PYGL: variants seen among roughly 807,000 people sequenced by gnomAD.
PYGL encodes glycogen phosphorylase L.
In PYGL, 90 loss-of-function variants were observed where a neutral mutation model predicts 100.1. The observed-to-expected ratio is 0.90, with a 90% CI of 0.76 to 1.07. The LOEUF (loss-of-function observed/expected upper bound fraction) is 1.07. PYGL is among the 50% of genes least tolerant of loss of function. PYGL has a pLI of 0.00. For synonymous variants in PYGL, 373 were observed against 393.0 expected (o/e 0.95, Z 0.60); for missense variants, 1,016 against 1,057.6 (o/e 0.96, Z 0.55).
chr14:50,916,185 T>C (rs2050447261), intron 9 of PYGL, among the ~76,000 whole-genome samples: 1 of 152,374 alleles, frequency 6.6e-6, no homozygotes, highest in Middle Eastern at 3.4e-3. Flanking sequence ...CTGGTGAAAC[T>C]TAAGACAGCA....
intron 2 of PYGL, among the ~76,000 whole-genome samples, chr14:50,936,053 G>C (rs1249927549): frequency 6.6e-6 from 1 of 152,206 alleles, no homozygotes; most frequent in Non-Finnish European, 1.5e-5. Context: ...CCATGACAGA[G>C]CTCTGCAGCC....
Position 50,944,169 on chromosome 14 carries a change from A to C in PYGL, c.235T>G (p.Cys79Gly), listed in dbSNP as rs1374014307. The C allele has an allele frequency of 6.2e-7, 1 of 1,605,776 alleles. No individual in the cohort carries two copies. Among genetic ancestry groups the C allele is most frequent in the South Asian group, 1.1e-5 (1 of 90,924 alleles). Reference protein sequence around the residue: ...IRTQQHYYDKCPKRVYYLSLE... With the variant: ...IRTQQHYYDKGPKRVYYLSLE... ...GTCCCGCCCCCGGTTACCTTGGGGC[A>C]CTTGTCGTAGTAGTGCTGCTGCGTG... The change falls in exon 1 of 20, where the codon TGC (cysteine) becomes GGC (glycine). Residue 79 changes from cysteine (C) to glycine (G), a missense_variant. Physicochemically the swap from Cys to Gly is radical, Grantham distance 159. Transcript: ENST00000216392.
Position 50,942,863 on chromosome 14 carries a change from A to G in PYGL, c.243+1298T>C, listed in dbSNP as rs2050713419. On this transcript the variant is annotated intron_variant, in intron 1 of 19. Coordinates refer to ENST00000216392, the MANE Select transcript of PYGL (RefSeq NM_002863.5). ...AAACAAAACAAAACAAAACAACAAA[A>G]CAGTAAATATATGTATACATAAAGT... Among the ~76,000 whole-genome samples, 3 of 152,212 alleles carry G rather than the reference A, an allele frequency of 2.0e-5. No homozygotes were observed. In the South Asian group the frequency reaches 6.2e-4, roughly 32 times the overall value.
intron 2 of PYGL, 60 bp from the exon 3 acceptor site, chr14:50,935,245 C>T (rs2050644178): frequency 1.5e-6 from 2 of 1,330,218 alleles, no homozygotes; most frequent in Admixed American, 1.7e-5. Flanking sequence ...TTCAGAGGGA[C>T]AGCCATTTCC....
chr14:50,935,312 C>G (rs1444247945), intron 2 of PYGL, 127 bp from the exon 3 acceptor site: 2 of 776,450 alleles, frequency 2.6e-6, no homozygotes, highest in Non-Finnish European at 4.4e-6. Flanking sequence ...AGCGTCAGCT[C>G]CCTTGCAGCT....
intron 4 of PYGL, 40 bp downstream of exon 4, chr14:50,931,633 A>G: frequency 6.6e-7 from 1 of 1,513,796 alleles, no homozygotes; most frequent in Non-Finnish European, 9.2e-7. Flanking sequence ...ATGAAAGAGA[A>G]GTACCTTAAT....
At chr14:50,928,301 G>T (rs2050572129) in intron 4 of PYGL, among the ~76,000 whole-genome samples, 1 of 152,174 alleles carries the variant, frequency 6.6e-6, no homozygotes, top group Non-Finnish European at 1.5e-5. Flanking sequence ...TTGGCTTTCT[G>T]ATGTTATAAT....
At chr14:50,906,991 G>A (rs2050342230) in intron 19 of PYGL, among the ~76,000 whole-genome samples, 1 of 152,168 alleles carries the variant, frequency 6.6e-6, no homozygotes, top group Admixed American at 6.5e-5. Flanking sequence ...AGAAAGAAAT[G>A]TTAGTAAAAC....
chr14:50,928,411 G>T (rs537840016), intron 4 of PYGL, among the ~76,000 whole-genome samples: 16 of 152,260 alleles, frequency 1.1e-4, no homozygotes, highest in African/African-American at 3.6e-4. Context: ...TACGAACTTG[G>T]TGTGGGTGCT....
chr14:50,912,389 C>CAAA, intron 13 of PYGL, 86 bp from the exon 14 acceptor site: 1 of 1,519,164 alleles, frequency 6.6e-7, no homozygotes, highest in Non-Finnish European at 9.0e-7. Flanking sequence ...GACGGAGTCT[C>CAAA]ACTCTTTTGC....
Position 50,931,768 on chromosome 14 carries a change from A to G in PYGL, c.433T>C (p.Leu145=). 1.2e-6 allele frequency: 2 copies of G among 1,613,800 alleles called. No individual in the cohort carries two copies. The highest frequency in any genetic ancestry group is 2.2e-5 in the South Asian group (2 of 91,076). The change falls in exon 4 of 20, where the codon TTG becomes CTG. Residue 145 remains leucine, a synonymous_variant. Transcript: ENST00000216392. The part of the protein sequence containing the change: ...GGLGRLAACF[L]DSMATLGLAA... ...AGTCCCAGGGTTGCCATGGAATCCA[A>G]GAAGCAGGCTACATTCAACAGAGCA... is the stretch of plus-strand genomic sequence containing the variant.
At chr14:50,906,338 A>G (rs1199711313) in intron 19 of PYGL, among the ~76,000 whole-genome samples, 2 of 152,248 alleles carry the variant, frequency 1.3e-5, no homozygotes, top group Admixed American at 6.5e-5. Flanking sequence ...TCCTTAAGGT[A>G]CAGCAAAACA....
At position 50,937,696 on chromosome 14, in the gene PYGL, T is replaced by C. The variant is rs747691591; in HGVS notation, c.345+40A>G. 7 of 1,562,174 alleles carry C rather than the reference T, an allele frequency of 4.5e-6. No individual in the cohort carries two copies. In the South Asian group the frequency reaches 7.8e-5, roughly 17 times the overall value. On this transcript the variant is annotated intron_variant, in intron 2 of 19. Coordinates refer to ENST00000216392, the MANE Select transcript of PYGL (RefSeq NM_002863.5). ...CAAGTTTCCTGAAGTGCACATGAAA[T>C]TTAAAGAGACAGGATGAGAGAAATC...
At chr14:50,908,775 C>T (rs1198100696) in intron 18 of PYGL, 46 bp downstream of exon 18, 1 of 1,529,090 alleles carries the variant, frequency 6.5e-7, no homozygotes. Flanking sequence ...ATTTTCTTGT[C>T]CCCCTTTCAT....
Position 50,923,687 on chromosome 14 carries a change from CAAAAAAAAAAAA to C in PYGL, c.660+270_660+281del, listed in dbSNP as rs762951824. On this transcript the variant is annotated intron_variant, in intron 5 of 19. Transcript: ENST00000216392. Reference sequence around the variant, plus strand: ...TACTATAGAACTGACAATTTTCTGGCAAAAAAAAAAAAAAAAAAAAAAGAACTGACAATTTTC... The same window carrying C: ...TACTATAGAACTGACAATTTTCTGGCAAAAAAAAAAGAACTGACAATTTTC... 1.2e-4 allele frequency: 14 copies of C among 119,584 alleles called. 1 individual carries two copies. The East Asian group carries it at 2.3e-3, about 20-fold the overall frequency. The allele number at this position is 119,584 out of a possible 1,614,324, so 7.4% of individuals were successfully genotyped here.
At chr14:50,934,455 G>C (rs2050633883) in intron 3 of PYGL, among the ~76,000 whole-genome samples, 1 of 152,148 alleles carries the variant, frequency 6.6e-6, no homozygotes, top group South Asian at 2.1e-4. Context: ...CACTACTTTT[G>C]ACCTAGACGT....
Position 50,944,454 on chromosome 14 carries a change from G to T in PYGL, c.-51C>A, listed in dbSNP as rs1481449920. On this transcript the variant is annotated 5_prime_UTR_variant, in exon 1 of 20. Coordinates refer to ENST00000216392, the MANE Select transcript of PYGL (RefSeq NM_002863.5). Reference sequence around the variant, plus strand: ...GGCTGCGCAGAGAGCTGGAAGTGCGGCCGGAGGCGCTGGGCTGCCGGGCAG... The same window carrying T: ...GGCTGCGCAGAGAGCTGGAAGTGCGTCCGGAGGCGCTGGGCTGCCGGGCAG... The T allele has an allele frequency of 1.9e-6, 3 of 1,545,182 alleles. No homozygotes were observed. Among genetic ancestry groups the T allele is most frequent in the African/African-American group, 2.7e-5 (2 of 73,212 alleles).
At chr14:50,941,707 G>C (rs1295492001) in intron 1 of PYGL, among the ~76,000 whole-genome samples, 1 of 152,086 alleles carries the variant, frequency 6.6e-6, no homozygotes. Context: ...GTGGAATCCT[G>C]TCGCTACTAA....
intron 12 of PYGL, among the ~76,000 whole-genome samples, chr14:50,914,286 C>A (rs1313275650): frequency 6.6e-6 from 1 of 152,110 alleles, no homozygotes; most frequent in Non-Finnish European, 1.5e-5. Context: ...AACCTGAGGT[C>A]AGGAGTTCAA....
Sources: allele counts gnomAD v4.1 joint callset (sites outside exome capture counted in the v4.1 genomes callset), GRCh38; gene constraint gnomAD v4.1.1; transcripts MANE v1.5; gene names NCBI Gene and HGNC (gene_info 2026-07-23, HGNC 2026-07-21).